The following BANK1 variants were observed in gnomAD, a reference collection of about 807,000 sequenced individuals.
BANK1 encodes the protein B-cell scaffold protein with ankyrin repeats.
BANK1 carries 95 observed loss-of-function variants against 94.5 expected under a neutral mutation model. The ratio of observed to expected loss-of-function variants is 1.00; its 90% CI spans 0.85 to 1.19. The LOEUF (loss-of-function observed/expected upper bound fraction) is 1.19. Among genes scored for constraint, BANK1 ranks in the 50% most tolerant of loss-of-function variants. The pLI is 0.00. For missense variants in BANK1, 987 were observed against 932.2 expected (o/e 1.06, Z -0.77); for synonymous variants, 334 against 308.4 (o/e 1.08, Z -0.87).
chr4:101,856,091 CAG>C (rs1026778864), intron 3 of BANK1, among the ~76,000 whole-genome samples: 12 of 152,258 alleles, frequency 7.9e-5, no homozygotes, highest in African/African-American at 2.9e-4. Flanking sequence ...AAGCCAGTGA[CAG>C]GGGCTCACTG....
At chr4:102,053,089 A>G (rs1459850252) in intron 11 of BANK1, among the ~76,000 whole-genome samples, 2 of 152,254 alleles carry the variant, frequency 1.3e-5, no homozygotes, top group African/African-American at 4.8e-5. Flanking sequence ...TAGAGAACAT[A>G]TTGAAGAAGG....
intron 4 of BANK1, among the ~76,000 whole-genome samples, chr4:101,863,571 T>G (rs1727961191): frequency 6.6e-6 from 1 of 152,138 alleles, no homozygotes; most frequent in South Asian, 2.1e-4. Flanking sequence ...TTTACAGACT[T>G]CTGTTTGTGT....
intron 1 of BANK1, among the ~76,000 whole-genome samples, chr4:101,828,380 AATTTATATATATAT>A (rs1195694185): frequency 2.6e-5 from 3 of 115,308 alleles, no homozygotes; most frequent in Non-Finnish European, 4.9e-5. Context: ...TAGATGAGTG[AATTTATATATATAT>A]ATATATATAT....
intron 10 of BANK1, among the ~76,000 whole-genome samples, chr4:102,039,046 G>A (rs932972783): frequency 4.6e-5 from 7 of 152,040 alleles, no homozygotes; most frequent in South Asian, 4.1e-4. Context: ...ATAGTAAGCC[G>A]TAACCCAAGT....
rs1553934569 is a variant in BANK1, at chr4:101,941,712, A to AAC, written c.1206+23524_1206+23525insCA. Among the ~76,000 whole-genome samples, 3 of 149,152 alleles carry AAC rather than the reference A, an allele frequency of 2.0e-5. No homozygotes were observed. In the Admixed American group the frequency reaches 2.0e-4, roughly 10 times the overall value. On this transcript the variant is annotated intron_variant, in intron 7 of 16. Transcript: ENST00000322953. ...TACATATATATGCATACCCACTATAAATATATATATATGCTTTCAGATGTG... is the reference window on the plus strand; with the variant it reads ...TACATATATATGCATACCCACTATAAACATATATATATATGCTTTCAGATGTG...
intron 7 of BANK1, among the ~76,000 whole-genome samples, chr4:102,007,135 A>AATATATATTTTATATATATATATAT (rs1726318031): frequency 1.8e-5 from 1 of 54,334 alleles, no homozygotes. Flanking sequence ...TATATATATA[A>AATATATATTTTATATATATATATAT]AAAATATATT....
intron 3 of BANK1, among the ~76,000 whole-genome samples, chr4:101,859,663 C>T (rs1023320428): frequency 1.3e-5 from 2 of 152,080 alleles, no homozygotes; most frequent in Non-Finnish European, 2.9e-5. Context: ...TGCTTACTCC[C>T]GGGAGTTGAG....
rs374625666 is a variant in BANK1, at chr4:102,025,643, C to G, written c.1594+134C>G. On this transcript the variant is annotated intron_variant, in intron 9 of 16. Transcript: ENST00000322953. Reference sequence around the variant, plus strand: ...AACCAATAGCAACATTCTTCCTATTCTTTAAAAACTAAGGCCTGGGAAATG... The same window carrying G: ...AACCAATAGCAACATTCTTCCTATTGTTTAAAAACTAAGGCCTGGGAAATG... 10 of 815,846 alleles carry G rather than the reference C, an allele frequency of 1.2e-5. No homozygotes were observed. In the African/African-American group the frequency reaches 1.6e-4, roughly 13 times the overall value. 50.5% of individuals were successfully genotyped at this position (815,846 alleles called of 1,614,324 possible).
At chr4:101,933,970 A>T (rs1723444240) in intron 7 of BANK1, among the ~76,000 whole-genome samples, 1 of 151,488 alleles carries the variant, frequency 6.6e-6, no homozygotes, top group Non-Finnish European at 1.5e-5. Flanking sequence ...TGCCAAACAG[A>T]CAAACAAAAA....
intron 14 of BANK1, among the ~76,000 whole-genome samples, chr4:102,071,829 T>C (rs1382321738): frequency 6.6e-6 from 1 of 152,100 alleles, no homozygotes; most frequent in Non-Finnish European, 1.5e-5. Flanking sequence ...TAGGGAGCTG[T>C]TGAATATTCT....
chr4:102,016,363 A>C (rs539886702), intron 7 of BANK1, among the ~76,000 whole-genome samples: 2 of 152,066 alleles, frequency 1.3e-5, no homozygotes, highest in East Asian at 3.9e-4. Flanking sequence ...TGTGCATGTG[A>C]CCTCCGGATA....
At chr4:101,887,353 A>G (rs1728895068) in intron 5 of BANK1, among the ~76,000 whole-genome samples, 1 of 152,252 alleles carries the variant, frequency 6.6e-6, no homozygotes, top group Admixed American at 6.5e-5. Context: ...TAATAAACAG[A>G]CTATGTGTTT....
intron 7 of BANK1, among the ~76,000 whole-genome samples, chr4:101,927,089 A>G (rs1363966869): frequency 6.6e-6 from 1 of 151,750 alleles, no homozygotes; most frequent in Non-Finnish European, 1.5e-5. Flanking sequence ...GAATTGCCGG[A>G]AACTGGGTAA....
At chr4:101,876,929 T>C (rs558832145) in intron 5 of BANK1, among the ~76,000 whole-genome samples, 45 of 152,158 alleles carry the variant, frequency 3.0e-4, no homozygotes, top group African/African-American at 1.1e-3. Context: ...CAGAGTCTTT[T>C]AATAGCAGAA....
chr4:101,988,552 A>G (rs974770964), intron 7 of BANK1, among the ~76,000 whole-genome samples: 2 of 152,184 alleles, frequency 1.3e-5, no homozygotes, highest in African/African-American at 2.4e-5. Context: ...ACAACTCTTC[A>G]TTAAGTTTTC....
intron 7 of BANK1, among the ~76,000 whole-genome samples, chr4:101,992,808 T>A (rs746589880): frequency 7.9e-5 from 12 of 152,178 alleles, no homozygotes; most frequent in Non-Finnish European, 1.6e-4. Context: ...TTTTATTTTG[T>A]GTCAAAATAT....
intron 6 of BANK1, 21 bp from the exon 7 acceptor site, chr4:101,917,972 T>C: frequency 2.0e-6 from 3 of 1,535,790 alleles, no homozygotes; most frequent in Non-Finnish European, 2.7e-6. Flanking sequence ...CATTAAATCC[T>C]ACTACTTCTT....
At chr4:101,959,315 T>G (rs1007958234) in intron 7 of BANK1, among the ~76,000 whole-genome samples, 1 of 151,956 alleles carries the variant, frequency 6.6e-6, no homozygotes, top group Non-Finnish European at 1.5e-5. Context: ...AATTTTTGTA[T>G]TTTTAGTAGA....
At chr4:102,049,770 T>G (rs1727988392) in intron 11 of BANK1, among the ~76,000 whole-genome samples, 1 of 152,200 alleles carries the variant, frequency 6.6e-6, no homozygotes, top group Admixed American at 6.5e-5. Flanking sequence ...AAGCTGGTCA[T>G]CAGCAGCTTC....
Sources: gnomAD v4.1 joint callset for allele counts (sites outside exome capture counted in the v4.1 genomes callset) on GRCh38, gnomAD v4.1.1 for gene constraint, MANE v1.5 for transcripts, NCBI Gene and HGNC (gene_info 2026-07-23, HGNC 2026-07-21) for gene names.